ADAMTSL1: variants seen among roughly 807,000 people sequenced by gnomAD.
The protein encoded by ADAMTSL1 is ADAMTS-like protein 1.
ADAMTSL1 carries 126 observed loss-of-function variants against 201.8 expected under a neutral mutation model. The ratio of observed to expected loss-of-function variants is 0.62; its 90% CI spans 0.54 to 0.72. ADAMTSL1 has a LOEUF of 0.72. ADAMTSL1 is among the 30% of genes least tolerant of loss of function. ADAMTSL1 has a pLI of 0.00. For missense variants in ADAMTSL1, 2,679 were observed against 2,277.8 expected, an observed-to-expected ratio of 1.18 and a Z score of -3.59; for synonymous variants, 1,121 against 903.4, an observed-to-expected ratio of 1.24 and a Z score of -4.32.
At chr9:18,174,104 A>G (rs562527258) in intron 2 of ADAMTSL1, among the ~76,000 whole-genome samples, 106 of 152,294 alleles carry the variant, frequency 7.0e-4, no homozygotes, top group African/African-American at 2.5e-3. Context: ...TAAGACTTAT[A>G]TTATACCTCA....
At chr9:18,535,174 G>C (rs924203039) in intron 3 of ADAMTSL1, among the ~76,000 whole-genome samples, 14 of 152,090 alleles carry the variant, frequency 9.2e-5, no homozygotes, top group Non-Finnish European at 1.9e-4. Context: ...AATTTCTTCT[G>C]CCAGATACCC....
chr9:18,842,662 G>A (rs1825802576), intron 23 of ADAMTSL1, among the ~76,000 whole-genome samples: 1 of 152,012 alleles, frequency 6.6e-6, no homozygotes, highest in Non-Finnish European at 1.5e-5. Flanking sequence ...ATTATTGTGT[G>A]GGAGTCTAAG....
In ADAMTSL1 at chr9:18,685,075, A is replaced by G; in HGVS notation, c.1574+275A>G. The G allele has an allele frequency of 3.4e-6, 3 of 874,298 alleles. No individual in the cohort carries two copies. The South Asian group carries it at 1.3e-4, about 37-fold the overall frequency. The allele number at this position is 874,298 out of a possible 1,614,324, so 54.2% of individuals were successfully genotyped here. ...TCTGACCTCCTCTCTTCTCTGCGCA[A>G]GGGGCCAAAGGTGAGAAGGCCCAGG... On this transcript the variant is annotated intron_variant, in intron 13 of 28. Coordinates refer to ENST00000380548, the MANE Select transcript of ADAMTSL1 (RefSeq NM_001040272.6).
At chr9:18,810,251 C>T (rs1323451535) in intron 20 of ADAMTSL1, among the ~76,000 whole-genome samples, 2 of 152,162 alleles carry the variant, frequency 1.3e-5, no homozygotes, top group East Asian at 3.9e-4. Flanking sequence ...GGCCCCTGAA[C>T]AGTCAAAATA....
At chr9:18,620,194 T>C (rs1296916145) in intron 4 of ADAMTSL1, among the ~76,000 whole-genome samples, 1 of 152,102 alleles carries the variant, frequency 6.6e-6, no homozygotes, top group Non-Finnish European at 1.5e-5. Flanking sequence ...AGAAATCTTC[T>C]CTTGCCTCCC....
intron 1 of ADAMTSL1, among the ~76,000 whole-genome samples, chr9:17,964,599 T>C (rs994570010): frequency 1.1e-4 from 16 of 152,032 alleles, no homozygotes; most frequent in Admixed American, 2.6e-4. Flanking sequence ...CACAAATGAG[T>C]GTCAGTAAAA....
intron 2 of ADAMTSL1, among the ~76,000 whole-genome samples, chr9:18,451,222 C>G (rs1238279857): frequency 6.6e-6 from 1 of 152,124 alleles, no homozygotes; most frequent in Non-Finnish European, 1.5e-5. Context: ...TTTGCATACT[C>G]CTTGGAAAGA....
chr9:17,918,588 T>A (rs1826191321), intron 1 of ADAMTSL1, among the ~76,000 whole-genome samples: 1 of 151,894 alleles, frequency 6.6e-6, no homozygotes, highest in Non-Finnish European at 1.5e-5. Context: ...TGTGTACACT[T>A]GAAAAGAATT....
At chr9:18,888,156 GA>G in intron 24 of ADAMTSL1, 113 bp downstream of exon 24, 1 of 1,112,004 alleles carries the variant, frequency 9.0e-7, no homozygotes, top group Non-Finnish European at 1.3e-6. Context: ...CTCAAGGCAT[GA>G]AAACCAAAGC....
chr9:18,355,697 T>TA (rs1836189252), intron 2 of ADAMTSL1, among the ~76,000 whole-genome samples: 1 of 152,222 alleles, frequency 6.6e-6, no homozygotes, highest in Non-Finnish European at 1.5e-5. Flanking sequence ...TGCTTCTTAC[T>TA]AAAAAAATTA....
At chr9:18,438,121 A>G (rs548877288) in intron 2 of ADAMTSL1, among the ~76,000 whole-genome samples, 3 of 152,174 alleles carry the variant, frequency 2.0e-5, no homozygotes, top group African/African-American at 7.2e-5. Context: ...GCCAGATAAC[A>G]TCAAGCAGAA....
At chr9:18,812,854 A>T (rs1189330730) in intron 20 of ADAMTSL1, among the ~76,000 whole-genome samples, 1 of 151,666 alleles carries the variant, frequency 6.6e-6, no homozygotes, top group African/African-American at 2.4e-5. Context: ...TGAGTTCTCT[A>T]TTCTGTTCCA....
At position 18,535,167 on chromosome 9, in the gene ADAMTSL1, T is replaced by G. The variant is rs560371895; in HGVS notation, c.237+1875T>G. On this transcript the variant is annotated intron_variant, in intron 3 of 28. Transcript: ENST00000380548. Reference sequence around the variant, plus strand: ...CTTGAATGCTTTGTCACTTAGAAATTTCTTCTGCCAGATACCCTAAATCAT... The same window carrying G: ...CTTGAATGCTTTGTCACTTAGAAATGTCTTCTGCCAGATACCCTAAATCAT... Among the ~76,000 whole-genome samples the G allele has an allele frequency of 3.3e-5, 5 of 152,310 alleles. No individual in the cohort carries two copies. In the East Asian group the frequency reaches 9.7e-4, roughly 29 times the overall value.
At chr9:18,166,391 CGGAAT>C in intron 2 of ADAMTSL1, among the ~76,000 whole-genome samples, 1 of 151,970 alleles carries the variant, frequency 6.6e-6, no homozygotes, top group Non-Finnish European at 1.5e-5. Flanking sequence ...AATTCCATCA[CGGAAT>C]ATGCATGAAA....
chr9:18,786,542 G>C (rs527693605), intron 19 of ADAMTSL1, among the ~76,000 whole-genome samples: 1 of 152,302 alleles, frequency 6.6e-6, no homozygotes, highest in East Asian at 1.9e-4. Flanking sequence ...GAAGTGCAAA[G>C]AACAGAAATA....
At chr9:18,830,241 C>T (rs1824890526) in intron 23 of ADAMTSL1, among the ~76,000 whole-genome samples, 1 of 152,110 alleles carries the variant, frequency 6.6e-6, no homozygotes, top group Admixed American at 6.5e-5. Flanking sequence ...ATGCCATAGT[C>T]CAGATCCTCT....
chr9:18,622,917 T>A (rs117206235), intron 5 of ADAMTSL1, among the ~76,000 whole-genome samples: 4 of 152,178 alleles, frequency 2.6e-5, no homozygotes, highest in African/African-American at 9.6e-5. Context: ...TGTTTTTGAC[T>A]GAGTCTCTCA....
intron 1 of ADAMTSL1, among the ~76,000 whole-genome samples, chr9:18,101,781 C>T (rs16936307): frequency 3.3e-5 from 5 of 152,064 alleles, no homozygotes; most frequent in African/African-American, 9.7e-5. Flanking sequence ...AGAATCCAGC[C>T]GGTCAGAAAA....
At chr9:18,728,432 C>T (rs1233009843) in intron 15 of ADAMTSL1, among the ~76,000 whole-genome samples, 2 of 151,996 alleles carry the variant, frequency 1.3e-5, no homozygotes, top group Non-Finnish European at 2.9e-5. Context: ...AATATTAAAG[C>T]AGAGAGTGTT....
Sources: allele counts gnomAD v4.1 joint callset (sites outside exome capture counted in the v4.1 genomes callset), GRCh38; gene constraint gnomAD v4.1.1; transcripts MANE v1.5; gene names NCBI Gene and HGNC (gene_info 2026-07-23, HGNC 2026-07-21).